Variants in UBXN8 observed in about 807,000 individuals in gnomAD.
UBXN8 encodes the protein UBX domain protein 8.
A neutral mutation model predicts 32.1 loss-of-function variants in UBXN8; 27 were observed. The observed-to-expected ratio is 0.84, with a 90% CI of 0.62 to 1.16. The LOEUF is 1.16. UBXN8 is among the 50% of genes most tolerant of loss of function. UBXN8 has a pLI of 0.00. For synonymous variants in UBXN8, 109 were observed against 111.8 expected (o/e 0.98, Z 0.16); for missense variants, 306 against 311.4 (o/e 0.98, Z 0.13).
Position 30,758,896 on chromosome 8 carries a change from T to G in UBXN8, c.529-1992T>G, listed in dbSNP as rs1254461756. ...TGTTTTTTTTGTTTGTTTTTTTTGT[T>G]TTTTTTTTTTTTTTTGAGACGGAGT... On this transcript the variant is annotated intron_variant, in intron 5 of 7. Coordinates refer to ENST00000265616, the MANE Select transcript of UBXN8 (RefSeq NM_005671.4). 2.4e-3 allele frequency among the ~76,000 whole-genome samples: 325 copies of G among 136,466 alleles called. 11 individuals are homozygous for G. The highest frequency in any genetic ancestry group is 4.8e-3 in the African/African-American group (168 of 34,864). 89.5% of individuals were successfully genotyped at this position (136,466 alleles called of 152,430 possible).
chr8:30,733,847 G>A (rs1388668556), intron 1 of UBXN8: 1 of 152,198 alleles, frequency 6.6e-6, no homozygotes, highest in African/African-American at 2.4e-5. Context: ...TTGCCTTCAG[G>A]TGACTCTTAA....
intron 6 of UBXN8, 121 bp from the exon 7 acceptor site, chr8:30,763,152 G>A (rs1753152630): frequency 3.1e-6 from 3 of 968,122 alleles, no homozygotes; most frequent in East Asian, 2.6e-5. Context: ...CCCTACCTAT[G>A]TCTTTTAATA....
upstream of UBXN8, among the ~76,000 whole-genome samples, chr8:30,731,519 T>G (rs1398882753): frequency 4.6e-5 from 7 of 152,124 alleles, no homozygotes; most frequent in Non-Finnish European, 1.0e-4. Context: ...AGCCACTATC[T>G]CTTTTACAGA....
Position 30,766,485 on chromosome 8 carries a change from C to T in UBXN8, c.*91C>T. ...GCTTCACTTTCAAATCACACTATAC[C>T]TTGATTGAGCTCATGGCAGTAAACT... On this transcript the variant is annotated 3_prime_UTR_variant, in exon 8 of 8. Transcript: ENST00000265616. 7.7e-7 allele frequency: 1 copy of T among 1,297,100 alleles called. No individual in the cohort carries two copies. Among genetic ancestry groups the T allele is most frequent in the South Asian group, 1.7e-5 (1 of 58,814 alleles). 80.3% of individuals were successfully genotyped at this position (1,297,100 alleles called of 1,614,324 possible).
upstream of UBXN8, among the ~76,000 whole-genome samples, chr8:30,731,748 G>A (rs139046726): frequency 3.7e-3 from 563 of 152,226 alleles, 5 homozygotes; most frequent in African/African-American, 0.013. Flanking sequence ...GGGCCCAGCC[G>A]GTTAGGCAAA....
intron 5 of UBXN8, among the ~76,000 whole-genome samples, chr8:30,757,786 C>A (rs539151904): frequency 1.5e-5 from 2 of 129,958 alleles, no homozygotes; most frequent in African/African-American, 5.8e-5. Flanking sequence ...TTGAACCCAG[C>A]GGGGTGGAGG....
intron 4 of UBXN8, among the ~76,000 whole-genome samples, chr8:30,755,056 T>G (rs1340609224): frequency 6.8e-6 from 1 of 147,860 alleles, no homozygotes; most frequent in South Asian, 2.3e-4. Flanking sequence ...CCCAGGTTCA[T>G]GCCATTCTCC....
At chr8:30,762,682 C>T (rs764238439) in intron 6 of UBXN8, among the ~76,000 whole-genome samples, 33 of 152,070 alleles carry the variant, frequency 2.2e-4, no homozygotes, top group Non-Finnish European at 4.0e-4. Flanking sequence ...CCTGAGCCAC[C>T]GCACCTGGCC....
At chr8:30,750,877 C>T (rs1805504148) in intron 1 of UBXN8, among the ~76,000 whole-genome samples, 2 of 151,936 alleles carry the variant, frequency 1.3e-5, no homozygotes, top group Admixed American at 1.3e-4. Flanking sequence ...GTCTGTCTGT[C>T]CCGAACATCT....
chr8:30,761,059 G>GT lies in UBXN8; in HGVS notation c.570+131dup. 4.8e-6 allele frequency: 3 copies of GT among 628,996 alleles called. No homozygotes were observed. The South Asian group carries it at 6.6e-5, about 14-fold the overall frequency. 39.0% of individuals were successfully genotyped at this position (628,996 alleles called of 1,614,324 possible). Reference sequence around the variant, plus strand: ...GCATAAGTGTTCATGTGATTATACTGTAACTAGGTCTTTTTTAGAACATAG... The same window carrying GT: ...GCATAAGTGTTCATGTGATTATACTGTTAACTAGGTCTTTTTTAGAACATAG... On this transcript the variant is annotated intron_variant, in intron 6 of 7. Transcript: ENST00000265616.
At chr8:30,746,068 A>G (rs1805350089) in intron 1 of UBXN8, among the ~76,000 whole-genome samples, 1 of 152,170 alleles carries the variant, frequency 6.6e-6, no homozygotes, top group Non-Finnish European at 1.5e-5. Context: ...TGCTTCTTGA[A>G]GGCAGAGACC....
At position 30,753,127 on chromosome 8, in the gene UBXN8, CTT is replaced by C. The variant is rs758990413; in HGVS notation, c.282+24_282+25del. ...GAAGGTAAGGCAGAATTTTTAGAGA[CTT>C]TATGCGTAGAGAAATACAAAAATCT... On this transcript the variant is annotated intron_variant, in intron 3 of 7. Coordinates refer to ENST00000265616, the MANE Select transcript of UBXN8 (RefSeq NM_005671.4). The C allele has an allele frequency of 2.5e-4, 374 of 1,479,080 alleles. 1 individual carries two copies. The highest frequency in any genetic ancestry group is 3.1e-4 in the Non-Finnish European group (343 of 1,118,358). 91.6% of individuals were successfully genotyped at this position (1,479,080 alleles called of 1,614,324 possible). A position where few individuals can be genotyped will look rare whatever the true frequency, so the allele number is the denominator to read the frequency against.
chr8:30,735,540 G>A (rs1362044344), intron 1 of UBXN8, among the ~76,000 whole-genome samples: 2 of 152,048 alleles, frequency 1.3e-5, no homozygotes, highest in African/African-American at 2.4e-5. Flanking sequence ...GCAACAGAGT[G>A]TGTCTCAAAA....
At chr8:30,739,739 CAT>C (rs970791300), upstream of UBXN8, among the ~76,000 whole-genome samples, 6 of 152,092 alleles carry the variant, frequency 3.9e-5, no homozygotes, top group Admixed American at 1.3e-4. Context: ...CTTATAACAA[CAT>C]GTGAATTTAT....
At chr8:30,738,654 CA>C (rs536271863) in intron 1 of UBXN8, among the ~76,000 whole-genome samples, 1,475 of 75,358 alleles carry the variant, frequency 0.02, 12 homozygotes, top group African/African-American at 0.031. Flanking sequence ...GCCTCCGTCT[CA>C]AAAAAAAAAA....
At chr8:30,732,065 G>A (rs1355687304), upstream of UBXN8, among the ~76,000 whole-genome samples, 5 of 152,180 alleles carry the variant, frequency 3.3e-5, no homozygotes, top group East Asian at 9.7e-4. Flanking sequence ...GCCCCTGAGA[G>A]GCAGAAGCTG....
chr8:30,759,609 G>GT (rs1805770104), intron 5 of UBXN8, among the ~76,000 whole-genome samples: 1 of 151,710 alleles, frequency 6.6e-6, no homozygotes, highest in South Asian at 2.1e-4. Flanking sequence ...AAAGTGAATG[G>GT]TTTCTGGCAG....
chr8:30,757,674 G>C (rs1340760573), intron 5 of UBXN8, among the ~76,000 whole-genome samples: 2 of 151,598 alleles, frequency 1.3e-5, no homozygotes, highest in Non-Finnish European at 2.9e-5. Context: ...GCCTGGCTAA[G>C]ATGGTAAAAC....
chr8:30,730,274 G>A (rs1161536937), upstream of UBXN8, among the ~76,000 whole-genome samples: 1 of 152,196 alleles, frequency 6.6e-6, no homozygotes, highest in Admixed American at 6.5e-5. Context: ...TGGCGGAGAG[G>A]CGTGTTTTTG....
Sources: allele counts gnomAD v4.1 joint callset (sites outside exome capture counted in the v4.1 genomes callset), GRCh38; gene constraint gnomAD v4.1.1; transcripts MANE v1.5; gene names NCBI Gene and HGNC (gene_info 2026-07-23, HGNC 2026-07-21).